HDAC9: variants seen among roughly 807,000 people sequenced by gnomAD.
HDAC9 encodes histone deacetylase 9, also known as MEF-2 interacting transcription repressor (MITR) protein.
In HDAC9, 41 loss-of-function variants were observed where a neutral mutation model predicts 139.4. That is an observed-to-expected ratio of 0.29 (90% CI 0.23 to 0.38). HDAC9 has a LOEUF of 0.38. Among genes scored for constraint, HDAC9 ranks in the 10% least tolerant of loss-of-function variants. The pLI is 1.00. For missense variants in HDAC9, 1,147 were observed against 1,297.0 expected, an observed-to-expected ratio of 0.88 and a Z score of 1.78; for synonymous variants, 517 against 476.2, an observed-to-expected ratio of 1.09 and a Z score of -1.12.
At chr7:18,400,882 T>A (rs1397351917) in intron 1 of HDAC9, among the ~76,000 whole-genome samples, 1 of 152,190 alleles carries the variant, frequency 6.6e-6, no homozygotes, top group African/African-American at 2.4e-5. Context: ...ACTTTCCTCT[T>A]AGGTTTTCTT....
At position 18,845,501 on chromosome 7, in the gene HDAC9, A is replaced by T. The variant is rs577478286; in HGVS notation, c.2684+9504A>T. 5.9e-5 allele frequency among the ~76,000 whole-genome samples: 9 copies of T among 152,308 alleles called. No individual in the cohort carries two copies. In the East Asian group the frequency reaches 1.7e-3, roughly 29 times the overall value. On this transcript the variant is annotated intron_variant, in intron 21 of 25. Coordinates refer to ENST00000686413, the MANE Select transcript of HDAC9 (RefSeq NM_178425.4). ...ATGTTCTCCTTTGGAATAGCTCCAG[A>T]GTGTAACTGAACCACGAGGTTGCCT...
intron 23 of HDAC9, among the ~76,000 whole-genome samples, chr7:18,946,472 T>G (rs1782411613): frequency 1.3e-5 from 2 of 152,028 alleles, no homozygotes; most frequent in Admixed American, 6.6e-5. Context: ...GAAAAAAAAT[T>G]TATCCACAAG....
Position 18,542,056 on chromosome 7 carries a change from T to G in HDAC9, c.23-43225T>G, listed in dbSNP as rs1323243200. ...AGCAGCGTCTCTGGCCTCTACGCCC[T>G]AGATGCCAGTAGCACAACACTCCAC... is the stretch of plus-strand genomic sequence containing the variant. On this transcript the variant is annotated intron_variant, in intron 2 of 25. Transcript: ENST00000686413. 2.0e-5 allele frequency among the ~76,000 whole-genome samples: 3 copies of G among 152,108 alleles called. No individual in the cohort carries two copies. In the East Asian group the frequency reaches 5.8e-4, roughly 29 times the overall value.
At chr7:18,634,319 G>T (rs543762264) in intron 7 of HDAC9, among the ~76,000 whole-genome samples, 1 of 150,542 alleles carries the variant, frequency 6.6e-6, no homozygotes, top group African/African-American at 2.5e-5. Flanking sequence ...AGTAAGAAAA[G>T]ATTCCTTTCT....
chr7:18,857,048 C>T (rs1797734464), intron 21 of HDAC9, among the ~76,000 whole-genome samples: 1 of 152,166 alleles, frequency 6.6e-6, no homozygotes, highest in Non-Finnish European at 1.5e-5. Context: ...CAGCTTTCAA[C>T]TCTTCACTCC....
intron 1 of HDAC9, among the ~76,000 whole-genome samples, chr7:18,413,586 A>T (rs147625295): frequency 7.6e-4 from 115 of 152,204 alleles, no homozygotes; most frequent in African/African-American, 2.7e-3. Flanking sequence ...ATTTGCCATT[A>T]TATGTGTCTT....
chr7:18,609,145 G>T (rs1237028055), intron 6 of HDAC9, among the ~76,000 whole-genome samples: 1 of 152,078 alleles, frequency 6.6e-6, no homozygotes, highest in African/African-American at 2.4e-5. Context: ...GCCTATTGTA[G>T]CTGTACATAT....
intron 1 of HDAC9, among the ~76,000 whole-genome samples, chr7:18,392,315 TCACACACACACACACA>T (rs57932620): frequency 1.7e-5 from 2 of 119,296 alleles, no homozygotes; most frequent in Admixed American, 8.4e-5. Context: ...TCTCTCTCTC[TCACACACACACACACA>T]CACACACACA....
At chr7:18,112,976 T>A (rs1783726768) in intron 1 of HDAC9, among the ~76,000 whole-genome samples, 3 of 152,134 alleles carry the variant, frequency 2.0e-5, no homozygotes, top group Admixed American at 2.0e-4. Context: ...AGGGAGAGAT[T>A]GATGGTACAG....
At position 18,507,033 on chromosome 7, in the gene HDAC9, G is replaced by A. The variant is rs116103060; in HGVS notation, c.22+10709G>A. Among the ~76,000 whole-genome samples, 1,407 of 151,796 alleles carry A rather than the reference G, an allele frequency of 9.3e-3. 21 individuals carry two copies. The highest frequency in any genetic ancestry group is 0.033 in the African/African-American group (1,347 of 41,426). On this transcript the variant is annotated intron_variant, in intron 2 of 25. Coordinates refer to ENST00000686413, the MANE Select transcript of HDAC9 (RefSeq NM_178425.4). ...AGAATTGTGTTTTAATGTTAAATTCGCATTTTATATTTTACTATTAACTCA... is the reference window on the plus strand; with the variant it reads ...AGAATTGTGTTTTAATGTTAAATTCACATTTTATATTTTACTATTAACTCA...
intron 6 of HDAC9, among the ~76,000 whole-genome samples, chr7:18,604,747 C>G (rs1834983425): frequency 1.3e-5 from 2 of 151,992 alleles, no homozygotes; most frequent in South Asian, 4.2e-4. Flanking sequence ...TCCAGCATTC[C>G]CTTTTCAATC....
At chr7:18,406,369 C>T (rs1585670909) in intron 1 of HDAC9, among the ~76,000 whole-genome samples, 1 of 151,862 alleles carries the variant, frequency 6.6e-6, no homozygotes, top group African/African-American at 2.4e-5. Flanking sequence ...TCAATATTTC[C>T]CTTTTTTTCT....
chr7:18,728,158 G>A (rs755920551), intron 13 of HDAC9, among the ~76,000 whole-genome samples: 1 of 151,936 alleles, frequency 6.6e-6, no homozygotes. Context: ...TTTTTTGTTT[G>A]TTTGTTTTAT....
chr7:18,104,430 C>G (rs886397564), intron 1 of HDAC9, among the ~76,000 whole-genome samples: 1 of 151,944 alleles, frequency 6.6e-6, no homozygotes, highest in African/African-American at 2.4e-5. Flanking sequence ...TTACCTGGCT[C>G]TTGTCTGAGA....
chr7:18,591,467 GTGTGTGTA>G lies in HDAC9; in HGVS notation c.416-41_416-34del. The G allele has an allele frequency of 4.8e-6, 7 of 1,473,424 alleles. No individual in the cohort carries two copies. In the African/African-American group the frequency reaches 1.0e-4, roughly 22 times the overall value. 91.3% of individuals were successfully genotyped at this position (1,473,424 alleles called of 1,614,324 possible). A position where few individuals can be genotyped will look rare whatever the true frequency, so the allele number is the denominator to read the frequency against. ...AAACTCACCATCAACATCTGTTTCT[GTGTGTGTA>G]TGTGTGTGTGTGTGTGTGTGTGTGT... On this transcript the variant is annotated intron_variant, in intron 4 of 25. Transcript: ENST00000686413.
chr7:18,851,560 G>A (rs370803283), intron 21 of HDAC9: 20 of 152,188 alleles, frequency 1.3e-4, no homozygotes, highest in African/African-American at 4.1e-4. Context: ...GTGACAAAAC[G>A]GACTGATACA....
At chr7:18,628,705 C>T (rs1001649094) in intron 6 of HDAC9, among the ~76,000 whole-genome samples, 8 of 152,088 alleles carry the variant, frequency 5.3e-5, no homozygotes, top group Non-Finnish European at 1.0e-4. Context: ...ACCTTCAATT[C>T]GAAGACTTAG....
intron 1 of HDAC9, among the ~76,000 whole-genome samples, chr7:18,133,957 C>T (rs77238341): frequency 0.16 from 23,605 of 149,158 alleles, 2,271 homozygotes; most frequent in South Asian, 0.33. Flanking sequence ...CACACACACA[C>T]ATCTCTAGCC....
chr7:18,991,278 A>G (rs989887146), intron 25 of HDAC9, among the ~76,000 whole-genome samples: 1 of 152,256 alleles, frequency 6.6e-6, no homozygotes, highest in African/African-American at 2.4e-5. Context: ...ATAAAACAAA[A>G]TTCACAAAAT....
Sources: gnomAD v4.1 joint callset for allele counts (sites outside exome capture counted in the v4.1 genomes callset) on GRCh38, gnomAD v4.1.1 for gene constraint, MANE v1.5 for transcripts, NCBI Gene and HGNC (gene_info 2026-07-23, HGNC 2026-07-21) for gene names.